NLK: variants seen among roughly 807,000 people sequenced by gnomAD.
The protein encoded by NLK is serine/threonine-protein kinase NLK.
In NLK, 11 loss-of-function variants were observed where a neutral mutation model predicts 59.0. The ratio of observed to expected loss-of-function variants is 0.19; its 90% CI spans 0.12 to 0.31. NLK has a LOEUF of 0.31. Ranked by LOEUF, NLK falls within the 10% of genes least tolerant of loss-of-function variation. The pLI is 1.00. For synonymous variants in NLK, 235 were observed against 235.9 expected (o/e 1.00, Z 0.03); for missense variants, 410 against 661.1 (o/e 0.62, Z 4.16).
At chr17:28,185,327 C>A (rs1174684883) in intron 8 of NLK, 62 bp downstream of exon 8, 1 of 1,089,046 alleles carries the variant, frequency 9.2e-7, no homozygotes, top group Non-Finnish European at 1.3e-6. Context: ...TCGAGAGAAA[C>A]ATTGTGGTTT....
intron 1 of NLK, among the ~76,000 whole-genome samples, chr17:28,121,105 CAG>C (rs1186120516): frequency 6.6e-6 from 1 of 151,958 alleles, no homozygotes; most frequent in African/African-American, 2.4e-5. Flanking sequence ...TGAATACAGG[CAG>C]AGTCTTGCTG....
intron 1 of NLK, among the ~76,000 whole-genome samples, chr17:28,117,699 G>A (rs1381648527): frequency 1.3e-5 from 2 of 152,066 alleles, no homozygotes; most frequent in East Asian, 1.9e-4. Flanking sequence ...TAGCAAATTT[G>A]GGAATCATTT....
At chr17:28,202,434 C>T in the NLK span, among the ~76,000 whole-genome samples, 1 of 152,088 alleles carries the variant, frequency 6.6e-6, no homozygotes, top group Non-Finnish European at 1.5e-5. Context: ...GTGCTGCACT[C>T]ACCTCAGCCT....
intron 3 of NLK, among the ~76,000 whole-genome samples, chr17:28,134,657 C>T (rs1906663434): frequency 6.6e-6 from 1 of 152,156 alleles, no homozygotes; most frequent in African/African-American, 2.4e-5. Flanking sequence ...ATATTTTAAT[C>T]CACAGATCCT....
At chr17:28,098,843 C>T (rs116510970) in intron 1 of NLK, among the ~76,000 whole-genome samples, 1,581 of 151,886 alleles carry the variant, frequency 0.01, 29 homozygotes, top group African/African-American at 0.036. Flanking sequence ...CCACGACGCT[C>T]GGCTAATTTT....
At chr17:28,112,014 T>G (rs1241772069) in intron 1 of NLK, among the ~76,000 whole-genome samples, 1 of 151,218 alleles carries the variant, frequency 6.6e-6, no homozygotes, top group Non-Finnish European at 1.5e-5. Context: ...CCTCAGTTTT[T>G]CCTCACATGC....
At chr17:28,082,950 C>T (rs981311888) in intron 1 of NLK, among the ~76,000 whole-genome samples, 1 of 152,132 alleles carries the variant, frequency 6.6e-6, no homozygotes, top group Non-Finnish European at 1.5e-5. Context: ...GTGGCCCTTC[C>T]TAAAAAGTAT....
intron 1 of NLK, among the ~76,000 whole-genome samples, chr17:28,104,490 G>A (rs139448066): frequency 2.0e-5 from 3 of 152,128 alleles, no homozygotes; most frequent in African/African-American, 4.8e-5. Context: ...TCCTGACCTC[G>A]TGATCTGTCC....
At chr17:28,073,780 C>A (rs1910084903) in intron 1 of NLK, among the ~76,000 whole-genome samples, 1 of 152,102 alleles carries the variant, frequency 6.6e-6, no homozygotes, top group Admixed American at 6.6e-5. Flanking sequence ...ATATATACCC[C>A]CGGTAGAATG....
At chr17:28,173,616 C>T (rs1400124758) in intron 7 of NLK, among the ~76,000 whole-genome samples, 1 of 152,172 alleles carries the variant, frequency 6.6e-6, no homozygotes, top group Non-Finnish European at 1.5e-5. Context: ...TGTTAAATAG[C>T]CCTCTGATGG....
chr17:28,174,036 G>T (rs1294030172), intron 7 of NLK, among the ~76,000 whole-genome samples: 2 of 152,136 alleles, frequency 1.3e-5, no homozygotes, highest in Non-Finnish European at 2.9e-5. Context: ...GAAGAACAAG[G>T]TTTCCTGAGG....
intron 3 of NLK, among the ~76,000 whole-genome samples, chr17:28,154,570 A>G (rs1377453661): frequency 3.3e-5 from 5 of 152,220 alleles, no homozygotes; most frequent in African/African-American, 4.8e-5. Flanking sequence ...AACTCCTGAC[A>G]TATTATGTAA....
At chr17:28,096,574 C>T (rs1904708576) in intron 1 of NLK, among the ~76,000 whole-genome samples, 1 of 152,098 alleles carries the variant, frequency 6.6e-6, no homozygotes, top group Admixed American at 6.6e-5. Context: ...ATTATGGGAA[C>T]TTTAATATTG....
chr17:28,184,008 C>T (rs901433383), intron 7 of NLK, among the ~76,000 whole-genome samples: 2 of 152,194 alleles, frequency 1.3e-5, no homozygotes, highest in East Asian at 1.9e-4. Flanking sequence ...TGTCCCCTGA[C>T]GCTTCTAGCA....
intron 7 of NLK, among the ~76,000 whole-genome samples, chr17:28,184,019 G>A (rs934264950): frequency 6.6e-6 from 1 of 152,232 alleles, no homozygotes; most frequent in Non-Finnish European, 1.5e-5. Context: ...GCTTCTAGCA[G>A]TGAAATGGAA....
chr17:28,095,624 C>T (rs1410903574), intron 1 of NLK, among the ~76,000 whole-genome samples: 1 of 152,080 alleles, frequency 6.6e-6, no homozygotes, highest in Non-Finnish European at 1.5e-5. Flanking sequence ...GCAGATTATC[C>T]TATGATTCCA....
chr17:28,153,606 G>A (rs962735022), intron 3 of NLK, among the ~76,000 whole-genome samples: 2 of 152,142 alleles, frequency 1.3e-5, no homozygotes, highest in African/African-American at 2.4e-5. Context: ...TATGAACTTT[G>A]GGGAAGACAC....
intron 3 of NLK, among the ~76,000 whole-genome samples, chr17:28,151,940 A>G (rs987263847): frequency 2.0e-5 from 3 of 152,216 alleles, no homozygotes; most frequent in African/African-American, 7.2e-5. Flanking sequence ...TCTTAGTATG[A>G]AGGAATTGAC....
intron 4 of NLK, 72 bp downstream of exon 4, chr17:28,161,338 T>C: frequency 1.3e-6 from 1 of 792,996 alleles, no homozygotes; most frequent in Non-Finnish European, 2.2e-6. Context: ...ATTTAGACTT[T>C]AATCCGATCT....
Sources: gnomAD v4.1 joint callset for allele counts (sites outside exome capture counted in the v4.1 genomes callset) on GRCh38, gnomAD v4.1.1 for gene constraint, MANE v1.5 for transcripts, NCBI Gene and HGNC (gene_info 2026-07-23, HGNC 2026-07-21) for gene names.